Variants in OPCML observed in about 807,000 individuals in gnomAD.
The protein encoded by OPCML is opioid binding protein/cell adhesion molecule like, also known as opioid-binding protein/cell adhesion molecule.
A neutral mutation model predicts 37.8 loss-of-function variants in OPCML; 13 were observed. The observed-to-expected ratio is 0.34, with a 90% CI of 0.22 to 0.55. The LOEUF is 0.55. Among genes scored for constraint, OPCML ranks in the 20% least tolerant of loss-of-function variants. The pLI is 0.91. For missense variants in OPCML, 341 were observed against 435.6 expected (o/e 0.78, Z 1.93); for synonymous variants, 176 against 168.8 (o/e 1.04, Z -0.33).
intron 1 of OPCML, among the ~76,000 whole-genome samples, chr11:132,952,508 T>G (rs557433418): frequency 1.2e-4 from 19 of 152,332 alleles, no homozygotes; most frequent in Middle Eastern, 3.4e-3. Flanking sequence ...ACACATTCAT[T>G]GGTTTTCCTA....
chr11:132,981,412 G>C lies in OPCML; in HGVS notation c.62-38402C>G, dbSNP rs559656435. The stretch of plus-strand genomic sequence containing the variant: ...AGTTCTGTTGGGATTTGTCGATGGA[G>C]GGGGAGGCTGTGGAAGCTACTGGAA... On this transcript the variant is annotated intron_variant, in intron 1 of 7. Coordinates refer to ENST00000524381, the MANE Select transcript of OPCML (RefSeq NM_001012393.5). Among the ~76,000 whole-genome samples, 8 of 152,306 alleles carry C rather than the reference G, an allele frequency of 5.3e-5. No individual in the cohort carries two copies. The East Asian group carries it at 1.5e-3, about 29-fold the overall frequency.
intron 2 of OPCML, among the ~76,000 whole-genome samples, chr11:132,820,586 A>T (rs1939922770): frequency 6.6e-6 from 1 of 152,306 alleles, no homozygotes; most frequent in African/African-American, 2.4e-5. Flanking sequence ...ACCCTCATTC[A>T]GGGAGAAGAT....
chr11:132,909,786 G>A (rs1944362485), intron 2 of OPCML, among the ~76,000 whole-genome samples: 1 of 152,160 alleles, frequency 6.6e-6, no homozygotes, highest in Non-Finnish European at 1.5e-5. Flanking sequence ...ATATGCAGCG[G>A]ATGTGGCATT....
chr11:132,613,912 T>C (rs1938823941), intron 3 of OPCML, among the ~76,000 whole-genome samples: 1 of 152,118 alleles, frequency 6.6e-6, no homozygotes. Flanking sequence ...ACTGCTATAT[T>C]TGTTGAGTTC....
intron 1 of OPCML, among the ~76,000 whole-genome samples, chr11:133,069,357 C>T (rs1277709922): frequency 2.0e-5 from 3 of 152,166 alleles, no homozygotes; most frequent in African/African-American, 7.2e-5. Context: ...AACAAAATTA[C>T]TCATGTTTTA....
rs552297736 is a variant in OPCML at position 132,964,173 on chromosome 11, GA to G, written c.62-21164del. The stretch of plus-strand genomic sequence containing the variant: ...GGGAATGACAAAGGAAATGAGAGAA[GA>G]AGGATATATAAGTAAAAGAGAAGAA... On this transcript the variant is annotated intron_variant, in intron 1 of 7. Transcript: ENST00000524381. 1.4e-3 allele frequency among the ~76,000 whole-genome samples: 209 copies of G among 152,322 alleles called. 1 individual carries two copies. The highest frequency in any genetic ancestry group is 4.7e-3 in the African/African-American group (197 of 41,574).
chr11:133,015,417 A>C (rs1281938206), intron 1 of OPCML, among the ~76,000 whole-genome samples: 2 of 119,384 alleles, frequency 1.7e-5, no homozygotes, highest in Non-Finnish European at 3.6e-5. Context: ...GGAAGGAAGG[A>C]AGGAAGGAAG....
chr11:133,040,130 G>A (rs559539690), intron 1 of OPCML, among the ~76,000 whole-genome samples: 4 of 151,934 alleles, frequency 2.6e-5, no homozygotes, highest in South Asian at 2.1e-4. Flanking sequence ...ACATCCTCAC[G>A]TCAACTACTT....
chr11:132,881,254 A>G (rs1225646114), intron 2 of OPCML, among the ~76,000 whole-genome samples: 4 of 152,262 alleles, frequency 2.6e-5, no homozygotes, highest in African/African-American at 9.6e-5. Flanking sequence ...GATCTGTATC[A>G]CAAATTCAGT....
intron 1 of OPCML, chr11:133,065,637 C>G (rs888514912): frequency 6.6e-6 from 1 of 152,428 alleles, no homozygotes; most frequent in Non-Finnish European, 1.5e-5. Context: ...TCTGCCCAGA[C>G]ACGTAACTGG....
chr11:133,492,223 G>A (rs931237188), intron 1 of OPCML, among the ~76,000 whole-genome samples: 8 of 152,214 alleles, frequency 5.3e-5, no homozygotes, highest in Admixed American at 1.3e-4. Flanking sequence ...AGCTACAGCA[G>A]AGCTAGGAAT....
intron 1 of OPCML, among the ~76,000 whole-genome samples, chr11:133,090,497 C>A (rs1399843820): frequency 6.6e-6 from 1 of 152,106 alleles, no homozygotes. Context: ...ATGGCAAAGG[C>A]CATTCTGATG....
chr11:132,803,842 T>C (rs1224975468), intron 2 of OPCML, among the ~76,000 whole-genome samples: 2 of 152,200 alleles, frequency 1.3e-5, no homozygotes, highest in Non-Finnish European at 2.9e-5. Flanking sequence ...AGAGTGCTGT[T>C]GTAAGAATTA....
At chr11:133,052,764 C>T (rs765835228) in intron 1 of OPCML, among the ~76,000 whole-genome samples, 10 of 152,134 alleles carry the variant, frequency 6.6e-5, no homozygotes, top group African/African-American at 1.4e-4. Context: ...CCTGGATTTT[C>T]CAAATGGTTG....
intron 1 of OPCML, chr11:133,007,965 T>A (rs1947143490): frequency 9.1e-6 from 9 of 985,446 alleles, no homozygotes; most frequent in Non-Finnish European, 9.6e-6. Context: ...TGCAGAGAAT[T>A]CCATGAGGAC....
chr11:133,140,799 A>AT (rs1949777211), intron 1 of OPCML, among the ~76,000 whole-genome samples: 2 of 144,284 alleles, frequency 1.4e-5, no homozygotes, highest in African/African-American at 5.2e-5. Context: ...AAGAAGAAGA[A>AT]GAAGAAGACG....
intron 1 of OPCML, among the ~76,000 whole-genome samples, chr11:133,094,390 A>C (rs756064033): frequency 1.6e-4 from 25 of 152,140 alleles, no homozygotes; most frequent in Non-Finnish European, 2.8e-4. Context: ...TTCAGATATT[A>C]TTTTCAAGTC....
chr11:133,005,153 C>A, intron 1 of OPCML: 1 of 985,368 alleles, frequency 1.0e-6, no homozygotes, highest in Non-Finnish European at 1.2e-6. Context: ...GCTCCTGCAC[C>A]ACTGACCCTC....
Position 132,752,274 on chromosome 11 carries a change from T to A in OPCML, c.147-94955A>T, listed in dbSNP as rs569985769. 4.0e-3 allele frequency among the ~76,000 whole-genome samples: 591 copies of A among 149,278 alleles called. 7 individuals are homozygous for A. The highest frequency in any genetic ancestry group is 0.014 in the African/African-American group (567 of 40,256). ...CCTTAAAATAAATAAAAAAAAAAAATTAAAAGAGAGAGAGAGAGAAGCAAA... is the reference window on the plus strand; with the variant it reads ...CCTTAAAATAAATAAAAAAAAAAAAATAAAAGAGAGAGAGAGAGAAGCAAA... On this transcript the variant is annotated intron_variant, in intron 2 of 7. Transcript: ENST00000524381.
Sources: allele counts gnomAD v4.1 joint callset (sites outside exome capture counted in the v4.1 genomes callset), GRCh38; gene constraint gnomAD v4.1.1; transcripts MANE v1.5; gene names NCBI Gene and HGNC (gene_info 2026-07-23, HGNC 2026-07-21).